The following OPCML variants were observed in gnomAD, a reference collection of about 807,000 sequenced individuals.
OPCML encodes the protein opioid binding protein/cell adhesion molecule like.
OPCML carries 13 observed loss-of-function variants against 37.8 expected under a neutral mutation model. That is an observed-to-expected ratio of 0.34 (90% confidence interval 0.22 to 0.55). The LOEUF (loss-of-function observed/expected upper bound fraction) is 0.55, where lower values mean the gene tolerates loss of function less well. Among genes scored for constraint, OPCML ranks in the 20% least tolerant of loss-of-function variants. The probability of loss-of-function intolerance (pLI) is 0.91; values close to 1 mark genes in which losing one functional copy is unlikely to be tolerated. For missense variants in OPCML, 341 were observed against 435.6 expected (o/e 0.78, Z 1.93); for synonymous variants, 176 against 168.8 (o/e 1.04, Z -0.33).
In OPCML at chr11:132,663,061, TAA is replaced by T. The variant is rs150653625; in HGVS notation, c.147-5744_147-5743del. Among the ~76,000 whole-genome samples, 1,222 of 152,360 alleles carry T rather than the reference TAA, an allele frequency of 8.0e-3. 24 individuals carry two copies. The highest frequency in any genetic ancestry group is 0.028 in the African/African-American group (1,172 of 41,584). On this transcript the variant is annotated intron_variant, in intron 2 of 7. Transcript: ENST00000524381. ...ATTAGTAGACAATGGCAAATGTAGT[TAA>T]ATCTCTAATTCAGACTCCATTCTCT...
intron 1 of OPCML, among the ~76,000 whole-genome samples, chr11:133,493,577 T>TTTTCTTA (rs1947713532): frequency 6.6e-6 from 1 of 152,114 alleles, no homozygotes; most frequent in South Asian, 2.1e-4. Context: ...ATAAAGGCAG[T>TTTTCTTA]ATAACCTATT....
At chr11:133,531,135 G>A (rs895456350) in intron 1 of OPCML, among the ~76,000 whole-genome samples, 3 of 152,166 alleles carry the variant, frequency 2.0e-5, no homozygotes, top group South Asian at 4.1e-4. Flanking sequence ...TATGAAAACC[G>A]ACACTTTTGC....
intron 6 of OPCML, 33 bp downstream of exon 6, chr11:132,436,626 T>C: frequency 6.2e-7 from 1 of 1,612,218 alleles, no homozygotes; most frequent in Non-Finnish European, 8.5e-7. Flanking sequence ...TCAGCTCTGC[T>C]TCAGAACTGT....
chr11:133,289,240 A>C (rs183896904), intron 1 of OPCML, among the ~76,000 whole-genome samples: 2 of 152,300 alleles, frequency 1.3e-5, no homozygotes, highest in East Asian at 3.9e-4. Context: ...AAATAAGGCA[A>C]ATACTTATGA....
At chr11:132,911,053 C>G (rs913748121) in intron 2 of OPCML, among the ~76,000 whole-genome samples, 2 of 152,254 alleles carry the variant, frequency 1.3e-5, no homozygotes, top group African/African-American at 4.8e-5. Context: ...GATCATACAT[C>G]TGGATATTAA....
intron 1 of OPCML, among the ~76,000 whole-genome samples, chr11:133,116,671 GT>G (rs1444953733): frequency 6.6e-6 from 1 of 152,100 alleles, no homozygotes; most frequent in Non-Finnish European, 1.5e-5. Flanking sequence ...AAATAGGTTT[GT>G]TCCATTACTG....
chr11:132,821,711 C>T (rs748426464), intron 2 of OPCML, among the ~76,000 whole-genome samples: 26 of 152,272 alleles, frequency 1.7e-4, no homozygotes, highest in Non-Finnish European at 2.5e-4. Flanking sequence ...CTTCCATTTG[C>T]CTTTGTTTCC....
At chr11:132,420,776 A>G (rs2095955752) in intron 7 of OPCML, among the ~76,000 whole-genome samples, 3 of 152,162 alleles carry the variant, frequency 2.0e-5, no homozygotes, top group Admixed American at 6.5e-5. Flanking sequence ...TGTCAACCTC[A>G]ATGCATGCAA....
At chr11:133,299,362 G>C (rs1421747159) in intron 1 of OPCML, 1 of 152,254 alleles carries the variant, frequency 6.6e-6, no homozygotes, top group Non-Finnish European at 1.5e-5. Flanking sequence ...TGGCTTTAAT[G>C]GAAGTTGCTG....
intron 1 of OPCML, among the ~76,000 whole-genome samples, chr11:133,386,126 C>T (rs1318545322): frequency 6.6e-6 from 1 of 152,156 alleles, no homozygotes; most frequent in Admixed American, 6.5e-5. Context: ...GAATGCAGCA[C>T]GGAGGCGAAT....
intron 1 of OPCML, among the ~76,000 whole-genome samples, chr11:133,290,627 G>T (rs1246868398): frequency 6.6e-6 from 1 of 152,304 alleles, no homozygotes; most frequent in East Asian, 1.9e-4. Flanking sequence ...TGGCTGGTTT[G>T]GGATTGTGCC....
rs141447714 is a variant in OPCML at position 133,006,613 on chromosome 11, C to T, written c.62-63603G>A. The T allele has an allele frequency of 3.2e-4, 311 of 985,442 alleles. 3 individuals are homozygous for T. In the African/African-American group the frequency reaches 5.1e-3, roughly 16 times the overall value. The allele number at this position is 985,442 out of a possible 1,614,324, so 61.0% of individuals were successfully genotyped here. A position where few individuals can be genotyped will look rare whatever the true frequency, so the allele number is the denominator to read the frequency against. On this transcript the variant is annotated intron_variant, in intron 1 of 7. Coordinates refer to ENST00000524381, the MANE Select transcript of OPCML (RefSeq NM_001012393.5). The stretch of plus-strand genomic sequence containing the variant: ...AAGTCGCTGGCCGAACCATGCCCCA[C>T]TGGCCAGAACTATGTGAAACTCACA...
chr11:133,269,780 C>T (rs1461387622), intron 1 of OPCML, among the ~76,000 whole-genome samples: 1 of 152,158 alleles, frequency 6.6e-6, no homozygotes, highest in African/African-American at 2.4e-5. Flanking sequence ...GATAAGATTA[C>T]CTTTCTGTAA....
intron 1 of OPCML, among the ~76,000 whole-genome samples, chr11:133,001,831 G>C (rs1947011927): frequency 6.6e-6 from 1 of 152,220 alleles, no homozygotes; most frequent in Non-Finnish European, 1.5e-5. Context: ...GTGCAGCAAT[G>C]GCTGAGAGGG....
intron 2 of OPCML, among the ~76,000 whole-genome samples, chr11:132,785,454 T>G (rs1448524193): frequency 6.6e-6 from 1 of 152,190 alleles, no homozygotes; most frequent in Non-Finnish European, 1.5e-5. Context: ...AGGAGGAGCC[T>G]AGAAGAAGAT....
chr11:133,066,898 C>T (rs35216320), intron 1 of OPCML: 16,169 of 152,112 alleles, frequency 0.11, 1,808 homozygotes, highest in African/African-American at 0.28. Context: ...ATGCTGGTCT[C>T]GAACTCCTGA....
chr11:132,765,820 T>C (rs911519873), intron 2 of OPCML, among the ~76,000 whole-genome samples: 2 of 152,148 alleles, frequency 1.3e-5, no homozygotes, highest in African/African-American at 4.8e-5. Flanking sequence ...TGATCTTGGT[T>C]CCTAAATACC....
At chr11:132,984,386 G>A (rs1466165350) in intron 1 of OPCML, among the ~76,000 whole-genome samples, 1 of 151,964 alleles carries the variant, frequency 6.6e-6, no homozygotes, top group Non-Finnish European at 1.5e-5. Context: ...GGGACCTTGG[G>A]GAAATAAGGA....
intron 2 of OPCML, among the ~76,000 whole-genome samples, chr11:132,915,814 T>G: frequency 6.6e-6 from 1 of 152,244 alleles, no homozygotes; most frequent in East Asian, 1.9e-4. Context: ...TATTGAGTAA[T>G]TTATCTTTTT....
Sources: allele counts gnomAD v4.1 joint callset (sites outside exome capture counted in the v4.1 genomes callset), GRCh38; gene constraint gnomAD v4.1.1; transcripts MANE v1.5; gene names NCBI Gene and HGNC (gene_info 2026-07-23, HGNC 2026-07-21).